The following AHNAK variants were observed in gnomAD, a reference collection of about 807,000 sequenced individuals.
AHNAK encodes neuroblast differentiation-associated protein AHNAK.
A neutral mutation model predicts 37.8 loss-of-function variants in AHNAK; 23 were observed. The ratio of observed to expected loss-of-function variants is 0.61; its 90% CI spans 0.44 to 0.86. AHNAK has a LOEUF of 0.86. Among genes scored for constraint, AHNAK ranks in the 40% least tolerant of loss-of-function variants. The pLI, the probability that AHNAK is intolerant of heterozygous loss-of-function variation, is 0.00. For synonymous variants in AHNAK, 2,481 were observed against 2,636.3 expected (o/e 0.94, Z 1.80); for missense variants, 7,411 against 7,319.4 (o/e 1.01, Z -0.46).
At chr11:62,541,637 C>T (rs1292708773) in intron 1 of AHNAK, among the ~76,000 whole-genome samples, 1 of 152,210 alleles carries the variant, frequency 6.6e-6, no homozygotes, top group Non-Finnish European at 1.5e-5. Context: ...CTGCAGAGCG[C>T]TCTGATGTGC....
Position 62,522,113 on chromosome 11 carries a change from C to T in AHNAK, c.12304G>A (p.Asp4102Asn), listed in dbSNP as rs146801331. Residue 4102 changes from aspartate (D) to asparagine (N), a missense_variant, in exon 5 of 5, where the codon GAT becomes AAT. Transcript: ENST00000378024. ...SGPKVDIDTP[D>N]IDIHGPEGKL... is the part of the protein sequence containing the mutation. ...CCTTCTGGACCATGAATATCAATAT[C>T]AGGAGTGTCAATGTCCACTTTGGGT... The T allele has an allele frequency of 9.9e-6, 16 of 1,613,826 alleles. No individual in the cohort carries two copies. Among genetic ancestry groups the T allele is most frequent in the South Asian group, 4.4e-5 (4 of 91,074 alleles).
chr11:62,513,511 G>A (rs144491351), downstream of AHNAK, among the ~76,000 whole-genome samples: 941 of 152,072 alleles, frequency 6.2e-3, 9 homozygotes, highest in African/African-American at 0.019. Context: ...CTCCAGCCTG[G>A]GCAACAAGAG....
In AHNAK at chr11:62,526,472, G is replaced by A. The variant is rs1174365917; in HGVS notation, c.7945C>T (p.Pro2649Ser). ...PKVKMPKFSM[P>S]GFKGEGPDGD... Reference sequence around the variant, plus strand: ...TCTGGGCCCTCTCCTTTGAAGCCAGGCATGCTGAACTTTGGCATTTTCACC... The same window carrying A: ...TCTGGGCCCTCTCCTTTGAAGCCAGACATGCTGAACTTTGGCATTTTCACC... The change falls in exon 5 of 5, where the codon CCT becomes TCT. Residue 2649 changes from proline to serine, a missense_variant. By Grantham distance (74) the Pro-to-Ser change is moderately conservative. Coordinates refer to ENST00000378024, the MANE Select transcript of AHNAK (RefSeq NM_001620.3). The A allele has an allele frequency of 2.5e-6, 4 of 1,612,516 alleles. No individual in the cohort carries two copies. The highest frequency in any genetic ancestry group is 3.4e-6 in the Non-Finnish European group (4 of 1,179,522).
rs113658672 is a variant in AHNAK, at chr11:62,536,083, T to TCTC, written c.13_15dup (p.Glu5dup). ...TTGGGCAGCAGCAGCTCCCGGGTTG[T>TCTC]CTCCTCCTTCTCCATCTGGAATGAG... On this transcript the variant is annotated inframe_insertion, in exon 3 of 5. Transcript: ENST00000378024. 0.038 allele frequency: 59,953 copies of TCTC among 1,583,916 alleles called. 2,798 individuals carry two copies. The highest frequency in any genetic ancestry group is 0.24 in the African/African-American group (17,406 of 73,992).
chr11:62,449,958 G>C (rs1938497658), intron 5 of AHNAK, among the ~76,000 whole-genome samples: 1 of 152,120 alleles, frequency 6.6e-6, no homozygotes, highest in South Asian at 2.1e-4. Context: ...AAAATCTCCA[G>C]TGGAGGCAGA....
downstream of AHNAK, among the ~76,000 whole-genome samples, chr11:62,512,890 G>A (rs933252314): frequency 6.0e-5 from 9 of 150,842 alleles, no homozygotes; most frequent in South Asian, 2.1e-4. The surrounding 1 kb of genome is among the most constrained non-coding windows in gnomAD (Gnocchi z 4.0). Context: ...GAGGGAGGGA[G>A]GGAGGAAGGG....
Position 62,516,279 on chromosome 11 carries a change from G to A in AHNAK, c.*465C>T, listed in dbSNP as rs1414623337. 1.6e-6 allele frequency: 2 copies of A among 1,289,148 alleles called. No individual in the cohort carries two copies. The highest frequency in any genetic ancestry group is 2.0e-6 in the Non-Finnish European group (2 of 988,790). The allele number at this position is 1,289,148 out of a possible 1,614,324, so 79.9% of individuals were successfully genotyped here. On this transcript the variant is annotated 3_prime_UTR_variant, in exon 5 of 5. Transcript: ENST00000378024. ...TCTGTGGGCGTTTGCTGTTTGAACAGATCCAGTCTCAGGAAAGAGGAAGAC... is the reference window on the plus strand; with the variant it reads ...TCTGTGGGCGTTTGCTGTTTGAACAAATCCAGTCTCAGGAAAGAGGAAGAC...
intron 5 of AHNAK, among the ~76,000 whole-genome samples, chr11:62,487,409 A>G (rs1939414859): frequency 6.6e-6 from 1 of 152,270 alleles, no homozygotes; most frequent in African/African-American, 2.4e-5. Context: ...AAGGCAGGAC[A>G]GTATGACATC....
At chr11:62,451,293 G>A (rs551594613) in intron 5 of AHNAK, among the ~76,000 whole-genome samples, 24 of 150,938 alleles carry the variant, frequency 1.6e-4, no homozygotes, top group East Asian at 7.7e-4. Flanking sequence ...CTCCAGCCCC[G>A]CTTCCCATCC....
At chr11:62,534,875 G>T (rs568211151) in intron 4 of AHNAK, 128 bp downstream of exon 4, 13 of 978,282 alleles carry the variant, frequency 1.3e-5, no homozygotes, top group Non-Finnish European at 1.9e-5. Context: ...AGAGAGTGAA[G>T]ACAGGTGAGA....
In AHNAK at chr11:62,517,905, C is replaced by T; in HGVS notation, c.16512G>A (p.Val5504=). The change falls in exon 5 of 5, where the codon GTG becomes GTA. Residue 5504 remains valine, a synonymous_variant. Coordinates refer to ENST00000378024, the MANE Select transcript of AHNAK (RefSeq NM_001620.3). ...MPGIKSSGCD[V]NLPGVNVKLP... is the part of the protein sequence containing the mutation. ...GTTTCACATTCACGCCTGGCAGGTT[C>T]ACATCACATCCAGAGGACTTAATTC... 6.2e-7 allele frequency: 1 copy of T among 1,614,188 alleles called. No homozygotes were observed. The highest frequency in any genetic ancestry group is 8.5e-7 in the Non-Finnish European group (1 of 1,180,018).
chr11:62,451,454 T>C (rs1938534712), intron 5 of AHNAK, among the ~76,000 whole-genome samples: 1 of 140,932 alleles, frequency 7.1e-6, no homozygotes, highest in Non-Finnish European at 1.7e-5. Context: ...AAAAAAAAAA[T>C]TGGCCAGGCG....
intron 5 of AHNAK, among the ~76,000 whole-genome samples, chr11:62,457,198 G>A (rs567060391): frequency 1.8e-4 from 28 of 151,966 alleles, no homozygotes; most frequent in African/African-American, 6.0e-4. Context: ...GTGTAATCCC[G>A]GCACTTTGGG....
intron 4 of AHNAK, among the ~76,000 whole-genome samples, chr11:62,494,860 C>T (rs544650557): frequency 1.3e-5 from 2 of 152,016 alleles, no homozygotes; most frequent in African/African-American, 4.8e-5. Context: ...ATTAGCATGG[C>T]GTGATGGCGG....
intron 5 of AHNAK, among the ~76,000 whole-genome samples, chr11:62,443,978 G>A (rs1425591461): frequency 6.6e-6 from 1 of 152,204 alleles, no homozygotes; most frequent in East Asian, 1.9e-4. Flanking sequence ...CTCAGTCATG[G>A]TCTGTGAACG....
Position 62,493,661 on chromosome 11 carries a change from G to T in AHNAK, c.343-1830C>A, listed in dbSNP as rs1001269574. Among the ~76,000 whole-genome samples the T allele has an allele frequency of 2.0e-5, 3 of 151,710 alleles. No homozygotes were observed. In the East Asian group the frequency reaches 5.8e-4, roughly 29 times the overall value. On this transcript the variant is annotated intron_variant, in intron 4 of 5. Transcript: ENST00000257247. The stretch of plus-strand genomic sequence containing the variant: ...TTTTTTATTTTTTAAGAGATGGGGG[G>T]GGTCCCACTATGTTGACCAGGCTGG...
At chr11:62,539,891 C>T (rs1941071741) in intron 1 of AHNAK, among the ~76,000 whole-genome samples, 1 of 152,174 alleles carries the variant, frequency 6.6e-6, no homozygotes. Context: ...TTCAGTTCCG[C>T]GGAAGGGCAT....
In AHNAK at chr11:62,443,568, G is replaced by A. The variant is rs540269882; in HGVS notation, c.443-9677C>T. Among the ~76,000 whole-genome samples, 228 of 152,226 alleles carry A rather than the reference G, an allele frequency of 1.5e-3. 1 individual carries two copies. The highest frequency in any genetic ancestry group is 0.013 in the Admixed American group (192 of 15,284). On this transcript the variant is annotated intron_variant, in intron 5 of 5. Coordinates refer to the AHNAK transcript ENST00000257247. ...ATTACAGGCTTGAGCCACCGCGCCCGGCTGGGTCTTGCTCATCTTGAAGAC... is the reference window on the plus strand; with the variant it reads ...ATTACAGGCTTGAGCCACCGCGCCCAGCTGGGTCTTGCTCATCTTGAAGAC...
rs1445507755 is a variant in AHNAK at position 62,473,050 on chromosome 11, A to T, written c.442+18682T>A. 3.6e-5 allele frequency among the ~76,000 whole-genome samples: 5 copies of T among 139,392 alleles called. No individual in the cohort carries two copies. In the East Asian group the frequency reaches 1.1e-3, roughly 30 times the overall value. The allele number at this position is 139,392 out of a possible 152,430, so 91.4% of individuals were successfully genotyped here. A position where few individuals can be genotyped will look rare whatever the true frequency, so the allele number is the denominator to read the frequency against. On this transcript the variant is annotated intron_variant, in intron 5 of 5. Transcript: ENST00000257247. ...CAGTGAGCCAAGTTCACACCACTAT[A>T]CTCCACCCTGGGCAACAGAGCAAGA...
Sources: allele counts gnomAD v4.1 joint callset (sites outside exome capture counted in the v4.1 genomes callset), GRCh38; gene constraint gnomAD v4.1.1; non-coding constraint Gnocchi (gnomAD v3.1); transcripts MANE v1.5; gene names NCBI Gene and HGNC (gene_info 2026-07-23, HGNC 2026-07-21).